Variants in VPS41 observed in about 807,000 individuals in gnomAD.
VPS41 encodes the protein VPS41 subunit of HOPS complex.
VPS41 carries 85 observed loss-of-function variants against 130.9 expected under a neutral mutation model. The ratio of observed to expected loss-of-function variants is 0.65; its 90% CI spans 0.55 to 0.78. VPS41 has a LOEUF of 0.78. Ranked by LOEUF, VPS41 falls within the 30% of genes least tolerant of loss-of-function variation. The pLI is 0.00. For missense variants in VPS41, 874 were observed against 1,018.7 expected (o/e 0.86, Z 1.93); for synonymous variants, 335 against 332.9 (o/e 1.01, Z -0.07).
intron 3 of VPS41, 109 bp downstream of exon 3, chr7:38,869,037 G>T: frequency 3.9e-6 from 3 of 778,606 alleles, no homozygotes; most frequent in South Asian, 1.9e-5. Flanking sequence ...GTGGCAAGGA[G>T]ACAGAATCAC....
chr7:38,824,054 C>T (rs1336774971), intron 5 of VPS41, among the ~76,000 whole-genome samples: 2 of 152,150 alleles, frequency 1.3e-5, no homozygotes. Flanking sequence ...GTTCCTGAAT[C>T]ATGGGAATCT....
chr7:38,800,184 C>T (rs1324831621), intron 7 of VPS41, among the ~76,000 whole-genome samples: 1 of 152,072 alleles, frequency 6.6e-6, no homozygotes, highest in African/African-American at 2.4e-5. Flanking sequence ...GGAGCACACA[C>T]AATGAGTATG....
chr7:38,746,149 A>C (rs1427164101), intron 22 of VPS41, among the ~76,000 whole-genome samples: 1 of 152,160 alleles, frequency 6.6e-6, no homozygotes, highest in African/African-American at 2.4e-5. Flanking sequence ...GCTGAAAGAG[A>C]ACTCTGCTCA....
chr7:38,799,078 T>C (rs1450696395), intron 7 of VPS41, among the ~76,000 whole-genome samples: 5 of 152,070 alleles, frequency 3.3e-5, no homozygotes, highest in Non-Finnish European at 7.4e-5. Context: ...CCCAAGCATG[T>C]AGCCAGCACT....
At chr7:38,728,162 C>G (rs1795584913) in intron 27 of VPS41, among the ~76,000 whole-genome samples, 1 of 152,134 alleles carries the variant, frequency 6.6e-6, no homozygotes, top group African/African-American at 2.4e-5. Flanking sequence ...TGTTTTTACC[C>G]TAGACTAGCA....
intron 2 of VPS41, among the ~76,000 whole-genome samples, chr7:38,884,879 C>G (rs557397305): frequency 6.6e-6 from 1 of 152,312 alleles, no homozygotes; most frequent in South Asian, 2.1e-4. Context: ...CCTTAACACT[C>G]CTCTTTAGCC....
intron 4 of VPS41, among the ~76,000 whole-genome samples, chr7:38,855,656 T>C (rs1785967024): frequency 6.6e-6 from 1 of 152,154 alleles, no homozygotes; most frequent in Non-Finnish European, 1.5e-5. Flanking sequence ...GGAAGAGTAG[T>C]GGGCATGGAA....
rs1415883537 is a variant in VPS41, at chr7:38,724,142, C to G, written c.*2104G>C. On this transcript the variant is annotated 3_prime_UTR_variant, in exon 29 of 29. Transcript: ENST00000310301. The stretch of plus-strand genomic sequence containing the variant: ...AATGAAGACTGTTTAATTATTTTCT[C>G]CTTTTCTATAAGTAGGATTTTCTTT... 6.6e-6 allele frequency: 1 copy of G among 152,062 alleles called. No individual in the cohort carries two copies. Among genetic ancestry groups the G allele is most frequent in the African/African-American group, 2.4e-5 (1 of 41,392 alleles). 9.4% of individuals were successfully genotyped at this position (152,062 alleles called of 1,614,324 possible).
At chr7:38,823,431 A>T (rs2116133562) in intron 5 of VPS41, among the ~76,000 whole-genome samples, 1 of 152,288 alleles carries the variant, frequency 6.6e-6, no homozygotes, top group South Asian at 2.1e-4. Context: ...TTTATAAACT[A>T]CCCAGTCTAA....
intron 23 of VPS41, among the ~76,000 whole-genome samples, chr7:38,745,089 T>C (rs1054616813): frequency 2.6e-5 from 4 of 152,188 alleles, no homozygotes; most frequent in African/African-American, 9.7e-5. Flanking sequence ...CATGTGGAGG[T>C]AGGAGCCAGA....
intron 4 of VPS41, among the ~76,000 whole-genome samples, chr7:38,858,960 T>C (rs946224320): frequency 2.0e-5 from 3 of 152,260 alleles, no homozygotes; most frequent in Non-Finnish European, 4.4e-5. Context: ...TCACAGGAGA[T>C]GACAGCTCCA....
intron 4 of VPS41, among the ~76,000 whole-genome samples, chr7:38,843,546 G>A (rs1363312663): frequency 8.1e-6 from 1 of 123,044 alleles, no homozygotes; most frequent in African/African-American, 3.9e-5. Flanking sequence ...GCCGGGCGCG[G>A]TGCTGGGCGC....
At chr7:38,816,649 T>C (rs1027624213) in intron 7 of VPS41, among the ~76,000 whole-genome samples, 31 of 152,316 alleles carry the variant, frequency 2.0e-4, no homozygotes, top group African/African-American at 5.8e-4. Context: ...AAAAACTAAT[T>C]TGACTTATTC....
At chr7:38,841,884 G>A (rs780700258) in intron 4 of VPS41, among the ~76,000 whole-genome samples, 14 of 152,150 alleles carry the variant, frequency 9.2e-5, no homozygotes, top group South Asian at 2.1e-4. Context: ...GATTACAGGC[G>A]TGAGCCACTG....
Position 38,767,569 on chromosome 7 carries a change from C to T in VPS41, c.1215G>A (p.Leu405=), listed in dbSNP as rs149665930. 10 of 1,609,862 alleles carry T rather than the reference C, an allele frequency of 6.2e-6. No individual in the cohort carries two copies. The African/African-American group carries it at 9.4e-5, about 15-fold the overall frequency. The change falls in exon 15 of 29, where the codon CTG becomes CTA. Residue 405 remains leucine, a synonymous_variant. Transcript: ENST00000310301. The stretch of plus-strand genomic sequence containing the variant: ...CTATGTCATAGTCTCCTCTCTCCAC[C>T]AGGTGATTTATATATGCCAAGCCAA... ...LDIGLAYINH[L]VERGDYDIAA...
chr7:38,838,226 G>GA lies in VPS41; in HGVS notation c.247-7899dup, dbSNP rs574753765. Among the ~76,000 whole-genome samples, 122 of 149,332 alleles carry GA rather than the reference G, an allele frequency of 8.2e-4. No homozygotes were observed. The South Asian group carries it at 0.021, about 26-fold the overall frequency. ...ACAAAGAAACAAACAGCAACAACAG[G>GA]AAAAAAAACAAACAAAAAAAAAATG... is the stretch of plus-strand genomic sequence containing the variant. On this transcript the variant is annotated intron_variant, in intron 4 of 28. Coordinates refer to ENST00000310301, the MANE Select transcript of VPS41 (RefSeq NM_014396.4).
At chr7:38,751,488 G>A (rs1783671579) in intron 22 of VPS41, among the ~76,000 whole-genome samples, 1 of 152,142 alleles carries the variant, frequency 6.6e-6, no homozygotes, top group Non-Finnish European at 1.5e-5. Context: ...AAACTTACTA[G>A]TCCTTATTTA....
intron 2 of VPS41, among the ~76,000 whole-genome samples, chr7:38,871,615 G>C (rs1450245733): frequency 6.6e-6 from 1 of 152,162 alleles, no homozygotes; most frequent in Non-Finnish European, 1.5e-5. Flanking sequence ...ATTCAGCTAT[G>C]AGTGCTCTAA....
chr7:38,859,843 C>T (rs959858174), intron 4 of VPS41, among the ~76,000 whole-genome samples: 2 of 152,112 alleles, frequency 1.3e-5, no homozygotes, highest in African/African-American at 4.8e-5. Flanking sequence ...TCTGAAGTCA[C>T]GTTATTTTAC....
Sources: allele counts gnomAD v4.1 joint callset (sites outside exome capture counted in the v4.1 genomes callset), GRCh38; gene constraint gnomAD v4.1.1; transcripts MANE v1.5; gene names NCBI Gene and HGNC (gene_info 2026-07-23, HGNC 2026-07-21).